Variants in ZNF366 observed in about 807,000 individuals in gnomAD.
The protein encoded by ZNF366 is dendritic cell-specific transcript protein.
Under a neutral mutation model 47.2 loss-of-function variants are expected in ZNF366, and 20 were observed. The ratio of observed to expected loss-of-function variants is 0.42; its 90% CI spans 0.30 to 0.62. The LOEUF is 0.62. Among genes scored for constraint, ZNF366 ranks in the 20% least tolerant of loss-of-function variants. The pLI, the probability that ZNF366 is intolerant of heterozygous loss-of-function variation, is 0.16. For missense variants in ZNF366, 987 were observed against 976.3 expected (o/e 1.01, Z -0.15); for synonymous variants, 421 against 395.1 (o/e 1.07, Z -0.78).
At chr5:72,482,065 CT>C (rs1219359957) in intron 1 of ZNF366, among the ~76,000 whole-genome samples, 1 of 152,130 alleles carries the variant, frequency 6.6e-6, no homozygotes, top group Non-Finnish European at 1.5e-5. Context: ...CCGTGTAAAG[CT>C]TTGTATCATT....
chr5:72,504,151 CT>C (rs1382295897), intron 1 of ZNF366, among the ~76,000 whole-genome samples: 1 of 152,176 alleles, frequency 6.6e-6, no homozygotes, highest in African/African-American at 2.4e-5. Flanking sequence ...TTCTGTTTCT[CT>C]GTGTGAAGGT....
At chr5:72,468,613 C>A (rs1743483535) in intron 1 of ZNF366, among the ~76,000 whole-genome samples, 1 of 152,112 alleles carries the variant, frequency 6.6e-6, no homozygotes, top group African/African-American at 2.4e-5. Flanking sequence ...ATAAGAAGCC[C>A]TTAGTAAAAA....
chr5:72,462,673 C>T (rs1367307393), intron 1 of ZNF366, among the ~76,000 whole-genome samples: 1 of 151,622 alleles, frequency 6.6e-6, no homozygotes, highest in Non-Finnish European at 1.5e-5. Flanking sequence ...GCCTCAGCCT[C>T]CTGAGTAGCT....
intron 1 of ZNF366, among the ~76,000 whole-genome samples, chr5:72,494,605 ATTTTT>A (rs57920640): frequency 2.2e-5 from 3 of 137,314 alleles, no homozygotes; most frequent in African/African-American, 2.7e-5. Flanking sequence ...GCTGTCAGAG[ATTTTT>A]TTTTTTTTTT....
At chr5:72,470,416 T>G (rs145091178) in intron 1 of ZNF366, among the ~76,000 whole-genome samples, 517 of 152,314 alleles carry the variant, frequency 3.4e-3, no homozygotes, top group Non-Finnish European at 5.3e-3. Context: ...GGAGTCTTTA[T>G]GGAGACTTCT....
At chr5:72,456,736 C>T in intron 2 of ZNF366, 141 bp from the exon 3 acceptor site, 1 of 806,992 alleles carries the variant, frequency 1.2e-6, no homozygotes, top group Non-Finnish European at 1.8e-6. Flanking sequence ...GGTGTAGCTT[C>T]AGCCTTGTTA....
chr5:72,487,066 C>G (rs931745241), intron 1 of ZNF366, among the ~76,000 whole-genome samples: 1 of 152,190 alleles, frequency 6.6e-6, no homozygotes, highest in Admixed American at 6.5e-5. Flanking sequence ...TGAGCCACTA[C>G]GCCCTGATTC....
chr5:72,454,430 G>A (rs1291884330), intron 3 of ZNF366, among the ~76,000 whole-genome samples: 1 of 152,142 alleles, frequency 6.6e-6, no homozygotes, highest in Non-Finnish European at 1.5e-5. Flanking sequence ...AAGCAGAAAT[G>A]CCTTTGTACC....
chr5:72,484,777 C>A (rs1008288230), intron 1 of ZNF366, among the ~76,000 whole-genome samples: 2 of 152,196 alleles, frequency 1.3e-5, no homozygotes, highest in African/African-American at 4.8e-5. Context: ...CATTACCCAG[C>A]CCCATCACAC....
In ZNF366 at chr5:72,442,543, T is replaced by A. The variant is rs1742876881; in HGVS notation, c.*1213A>T. Reference sequence around the variant, plus strand: ...CTGTCAACTATTCTAGTACCCCAAATAAGTCAGAGCTTAGATTTCTGGGAG... The same window carrying A: ...CTGTCAACTATTCTAGTACCCCAAAAAAGTCAGAGCTTAGATTTCTGGGAG... On this transcript the variant is annotated 3_prime_UTR_variant, in exon 5 of 5. Transcript: ENST00000318442. 1.3e-5 allele frequency: 2 copies of A among 151,812 alleles called. No individual in the cohort carries two copies. The highest frequency in any genetic ancestry group is 2.9e-5 in the Non-Finnish European group (2 of 68,024). 9.4% of individuals were successfully genotyped at this position (151,812 alleles called of 1,614,324 possible). A position where few individuals can be genotyped will look rare whatever the true frequency, so the allele number is the denominator to read the frequency against.
At chr5:72,458,951 C>A (rs932785363) in intron 2 of ZNF366, among the ~76,000 whole-genome samples, 2 of 152,198 alleles carry the variant, frequency 1.3e-5, no homozygotes, top group Non-Finnish European at 2.9e-5. Flanking sequence ...TCCTTTCCCA[C>A]ATATAAAGGA....
At chr5:72,473,460 C>G (rs893041934) in intron 1 of ZNF366, among the ~76,000 whole-genome samples, 7 of 152,228 alleles carry the variant, frequency 4.6e-5, no homozygotes, top group Non-Finnish European at 8.8e-5. Flanking sequence ...TGTCAAAGTT[C>G]TCCATAATCA....
chr5:72,462,559 T>TCTTTCTTTCTTTCTTTCTTTCTTTCTTTC (rs1743345546), intron 1 of ZNF366, among the ~76,000 whole-genome samples: 1 of 36,658 alleles, frequency 2.7e-5, no homozygotes, highest in African/African-American at 1.5e-4. Context: ...TTTTTTTTTT[T>TCTTTCTTTCTTTCTTTCTTTCTTTCTTTC]TTTGGAGATG....
intron 1 of ZNF366, among the ~76,000 whole-genome samples, chr5:72,482,637 G>A (rs1311812883): frequency 6.6e-6 from 1 of 152,162 alleles, no homozygotes; most frequent in Non-Finnish European, 1.5e-5. Context: ...CTGTGCAGGT[G>A]TTTGAGCATC....
intron 1 of ZNF366, among the ~76,000 whole-genome samples, chr5:72,505,027 C>T (rs538427784): frequency 3.6e-4 from 55 of 152,320 alleles, no homozygotes; most frequent in African/African-American, 1.3e-3. Flanking sequence ...GCACACAGAT[C>T]TACAGGACAC....
chr5:72,462,507 T>TTTTCTTTCTTTC lies in ZNF366; in HGVS notation c.-14-1009_-14-998dup, dbSNP rs765498463. Among the ~76,000 whole-genome samples the TTTTCTTTCTTTC allele has an allele frequency of 9.2e-3, 761 of 82,452 alleles. 40 individuals are homozygous for TTTTCTTTCTTTC. The highest frequency in any genetic ancestry group is 9.9e-3 in the African/African-American group (160 of 16,124). The allele number at this position is 82,452 out of a possible 152,430, so 54.1% of individuals were successfully genotyped here. ...AGTGTTTTTCACGTCTCCTTGCCAG[T>TTTTCTTTCTTTC]TTTCTTTCTTTCTTTCTTTCTTTCT... is the stretch of plus-strand genomic sequence containing the variant. On this transcript the variant is annotated intron_variant, in intron 1 of 4. Coordinates refer to ENST00000318442, the MANE Select transcript of ZNF366 (RefSeq NM_152625.3).
intron 1 of ZNF366, among the ~76,000 whole-genome samples, chr5:72,472,375 A>G (rs1378336868): frequency 2.0e-5 from 3 of 152,312 alleles, no homozygotes; most frequent in East Asian, 3.9e-4. Context: ...TTTTTATTTA[A>G]TCATTAAAAT....
intron 1 of ZNF366, among the ~76,000 whole-genome samples, chr5:72,479,992 A>G (rs758097974): frequency 2.8e-4 from 43 of 152,238 alleles, no homozygotes; most frequent in Non-Finnish European, 5.6e-4. Flanking sequence ...AAGCAGGCTC[A>G]CAAAGTCTTG....
intron 1 of ZNF366, among the ~76,000 whole-genome samples, chr5:72,474,370 G>A (rs1348581786): frequency 1.3e-5 from 2 of 151,676 alleles, no homozygotes; most frequent in East Asian, 1.9e-4. Flanking sequence ...GAAAGGACAG[G>A]GGAGGGGGGA....
Sources: gnomAD v4.1 joint callset for allele counts (sites outside exome capture counted in the v4.1 genomes callset) on GRCh38, gnomAD v4.1.1 for gene constraint, MANE v1.5 for transcripts, NCBI Gene and HGNC (gene_info 2026-07-23, HGNC 2026-07-21) for gene names.